The following ADAM20 variants were observed in gnomAD, a reference collection of about 807,000 sequenced individuals.
The protein encoded by ADAM20 is ADAM metallopeptidase domain 20.
For synonymous variants in ADAM20, 305 were observed against 310.2 expected (o/e 0.98, Z 0.18); for missense variants, 871 against 883.2 (o/e 0.99, Z 0.18).
the ADAM20 span, among the ~76,000 whole-genome samples, chr14:70,575,965 T>C: frequency 6.6e-6 from 1 of 152,166 alleles, no homozygotes; most frequent in African/African-American, 2.4e-5. Context: ...TATTTAAAAC[T>C]ACATGTTAAG....
chr14:70,525,942 T>C (rs1883580322), intron 1 of ADAM20, among the ~76,000 whole-genome samples: 1 of 152,158 alleles, frequency 6.6e-6, no homozygotes, highest in African/African-American at 2.4e-5. Context: ...CTCCTCCTGG[T>C]CATGTCAATA....
At chr14:70,535,169 T>C (rs948423710), upstream of ADAM20, among the ~76,000 whole-genome samples, 1 of 152,244 alleles carries the variant, frequency 6.6e-6, no homozygotes, top group African/African-American at 2.4e-5. Flanking sequence ...GTGAAATAGC[T>C]ATATTTAATT....
chr14:70,545,805 C>A, the ADAM20 span, among the ~76,000 whole-genome samples: 1 of 152,172 alleles, frequency 6.6e-6, no homozygotes, highest in African/African-American at 2.4e-5. Flanking sequence ...TTGGACAGAT[C>A]TCCCAGGCAG....
At chr14:70,555,283 AGAAAT>A in the ADAM20 span, among the ~76,000 whole-genome samples, 6 of 152,258 alleles carry the variant, frequency 3.9e-5, no homozygotes, top group African/African-American at 7.2e-5. Context: ...AAAAAAGAAA[AGAAAT>A]GAAATGATAA....
the ADAM20 span, among the ~76,000 whole-genome samples, chr14:70,546,917 T>C: frequency 6.6e-6 from 1 of 151,934 alleles, no homozygotes; most frequent in Non-Finnish European, 1.5e-5. Context: ...AAAAAGCTGG[T>C]TTTTTGAATA....
rs766203837 is a variant in ADAM20 at position 70,524,287 on chromosome 14, T to C, written c.471A>G (p.Leu157=). ...PISVSATFEH[L]VYKIDSDDTQ... is the part of the protein sequence containing the mutation. Reference sequence around the variant, plus strand: ...TATCATCACTGTCTATCTTATATACTAGGTGTTCAAATGTGGCAGAAACAC... The same window carrying C: ...TATCATCACTGTCTATCTTATATACCAGGTGTTCAAATGTGGCAGAAACAC... The change falls in exon 2 of 2, where the codon CTA becomes CTG. Residue 157 remains leucine, a synonymous_variant. Coordinates refer to ENST00000256389, the MANE Select transcript of ADAM20 (RefSeq NM_003814.5). 1.2e-6 allele frequency: 2 copies of C among 1,614,088 alleles called. No homozygotes were observed. Among genetic ancestry groups the C allele is most frequent in the African/African-American group, 1.3e-5 (1 of 75,044 alleles).
the ADAM20 span, among the ~76,000 whole-genome samples, chr14:70,573,678 T>C: frequency 6.6e-6 from 1 of 151,986 alleles, no homozygotes; most frequent in African/African-American, 2.4e-5. Context: ...AAGCTGAAAG[T>C]GAAGGGATAG....
At chr14:70,538,058 T>C (rs78159152), upstream of ADAM20, among the ~76,000 whole-genome samples, 1,315 of 152,250 alleles carry the variant, frequency 8.6e-3, 9 homozygotes, top group South Asian at 0.031. Context: ...AAATCCCTTT[T>C]GACCCTGCAG....
chr14:70,536,480 A>AAC (rs1369983346), upstream of ADAM20, among the ~76,000 whole-genome samples: 1 of 136,344 alleles, frequency 7.3e-6, no homozygotes, highest in African/African-American at 2.6e-5. Context: ...AAAAAAAAAA[A>AAC]AAAAAAAAAA....
At position 70,523,283 on chromosome 14, in the gene ADAM20, T is replaced by G; in HGVS notation, c.1475A>C (p.Gln492Pro). 6.2e-7 allele frequency: 1 copy of G among 1,614,066 alleles called. No individual in the cohort carries two copies. The highest frequency in any genetic ancestry group is 1.7e-5 in the Admixed American group (1 of 60,000). Residue 492 changes from glutamine to proline, a missense_variant, in exon 2 of 2, where the codon CAG becomes CCG. Physicochemically the swap from Gln to Pro is moderately conservative, Grantham distance 76. Transcript: ENST00000256389. ...ATTCACATTACAGGAGATCCCGTCCTGCACATACACATCATCTGGGCATTG... is the reference window on the plus strand; with the variant it reads ...ATTCACATTACAGGAGATCCCGTCCGGCACATACACATCATCTGGGCATTG... ...SHQCPDDVYV[Q>P]DGISCNVNAF...
At chr14:70,577,114 T>C in the ADAM20 span, among the ~76,000 whole-genome samples, 1 of 152,138 alleles carries the variant, frequency 6.6e-6, no homozygotes, top group Non-Finnish European at 1.5e-5. Context: ...AAGAGAATAT[T>C]TCCCAACTCA....
the ADAM20 span, among the ~76,000 whole-genome samples, chr14:70,561,371 AT>A: frequency 6.6e-6 from 1 of 152,252 alleles, no homozygotes; most frequent in African/African-American, 2.4e-5. Flanking sequence ...ATGGTGTGAA[AT>A]TGGAACTTGT....
chr14:70,574,707 A>C, the ADAM20 span, among the ~76,000 whole-genome samples: 2 of 152,204 alleles, frequency 1.3e-5, no homozygotes, highest in Non-Finnish European at 2.9e-5. Context: ...ATCTCAAGGA[A>C]TTAGAGAAAA....
chr14:70,560,670 G>C, the ADAM20 span, among the ~76,000 whole-genome samples: 9 of 152,100 alleles, frequency 5.9e-5, no homozygotes, highest in Non-Finnish European at 1.2e-4. Context: ...TCATGATAAT[G>C]ATTCTCATGA....
At chr14:70,526,383 G>A (rs1381722478) in intron 1 of ADAM20, among the ~76,000 whole-genome samples, 3 of 152,104 alleles carry the variant, frequency 2.0e-5, no homozygotes, top group African/African-American at 7.2e-5. Flanking sequence ...GCCACAAGAG[G>A]AAATCAGGAT....
At chr14:70,563,488 C>T in the ADAM20 span, among the ~76,000 whole-genome samples, 13 of 152,268 alleles carry the variant, frequency 8.5e-5, no homozygotes, top group Middle Eastern at 3.4e-3. Context: ...TACGCAAGAA[C>T]AAAGCTGAGA....
the ADAM20 span, among the ~76,000 whole-genome samples, chr14:70,549,958 T>C: frequency 2.2e-5 from 1 of 45,056 alleles, no homozygotes; most frequent in African/African-American, 1.1e-4. Context: ...AAACTATCTC[T>C]CAGACCACAG....
chr14:70,544,532 G>A, the ADAM20 span, among the ~76,000 whole-genome samples: 15 of 152,020 alleles, frequency 9.9e-5, no homozygotes, highest in East Asian at 1.9e-4. Flanking sequence ...GAGAAAGACC[G>A]AAAATATTTT....
chr14:70,572,433 A>G, the ADAM20 span, among the ~76,000 whole-genome samples: 1 of 152,128 alleles, frequency 6.6e-6, no homozygotes, highest in African/African-American at 2.4e-5. Flanking sequence ...ACCTCTCACC[A>G]TATACAAAAA....
Sources: gnomAD v4.1 joint callset for allele counts (sites outside exome capture counted in the v4.1 genomes callset) on GRCh38, gnomAD v4.1.1 for gene constraint, MANE v1.5 for transcripts, NCBI Gene and HGNC (gene_info 2026-07-23, HGNC 2026-07-21) for gene names.